The following WDPCP variants were observed in gnomAD, a reference collection of about 807,000 sequenced individuals.
The protein encoded by WDPCP is WD repeat-containing and planar cell polarity effector protein fritz homolog.
A neutral mutation model predicts 93.1 loss-of-function variants in WDPCP; 71 were observed. The observed-to-expected ratio is 0.76, with a 90% CI of 0.63 to 0.93. WDPCP has a LOEUF of 0.93. Ranked by LOEUF, WDPCP falls within the 40% of genes least tolerant of loss-of-function variation. WDPCP has a pLI of 0.00. For missense variants in WDPCP, 844 were observed against 887.4 expected, an observed-to-expected ratio of 0.95 and a Z score of 0.62; for synonymous variants, 315 against 315.0, an observed-to-expected ratio of 1.00 and a Z score of 0.00.
chr2:63,595,291 T>G, intron 3 of WDPCP: 1 of 706,998 alleles, frequency 1.4e-6, no homozygotes, highest in East Asian at 2.7e-5. Context: ...CCTGACCTCC[T>G]AAAATAATCA....
chr2:63,514,867 T>A (rs1702453693), intron 1 of WDPCP, among the ~76,000 whole-genome samples: 1 of 152,168 alleles, frequency 6.6e-6, no homozygotes, highest in South Asian at 2.1e-4. Context: ...CTATCAATTA[T>A]TCTTGCCACT....
chr2:63,312,571 G>A (rs1686262421), intron 13 of WDPCP, among the ~76,000 whole-genome samples: 1 of 152,210 alleles, frequency 6.6e-6, no homozygotes, highest in Non-Finnish European at 1.5e-5. Context: ...TGAAATTGCT[G>A]TCTAACAGAA....
intron 17 of WDPCP, among the ~76,000 whole-genome samples, chr2:63,138,456 T>TC (rs1670801800): frequency 6.8e-6 from 1 of 146,540 alleles, no homozygotes. Flanking sequence ...AGTAAGTTCT[T>TC]TTTTTTTTTT....
chr2:63,605,155 A>G (rs1709502502), intron 3 of WDPCP: 2 of 684,828 alleles, frequency 2.9e-6, no homozygotes, highest in Non-Finnish European at 5.0e-6. Context: ...GGGTTGTTGC[A>G]TGATTTTGGA....
At chr2:63,835,285 G>A in the WDPCP span, among the ~76,000 whole-genome samples, 1 of 150,656 alleles carries the variant, frequency 6.6e-6, no homozygotes, top group African/African-American at 2.4e-5. Flanking sequence ...AGCTACTTGG[G>A]AGACTGAGGC....
upstream of WDPCP, chr2:63,588,975 C>T: frequency 6.2e-7 from 1 of 1,611,348 alleles, no homozygotes; most frequent in Non-Finnish European, 8.5e-7. Flanking sequence ...GTCAGTTCCG[C>T]GGTAGAGGTG....
chr2:63,773,627 C>A (rs1670261970), intron 2 of WDPCP, among the ~76,000 whole-genome samples: 1 of 151,992 alleles, frequency 6.6e-6, no homozygotes, highest in African/African-American at 2.4e-5. Flanking sequence ...GATACTTGTA[C>A]AAGATACTAA....
At chr2:63,808,490 C>T (rs556180866) in intron 2 of WDPCP, among the ~76,000 whole-genome samples, 73 of 152,310 alleles carry the variant, frequency 4.8e-4, no homozygotes, top group South Asian at 2.1e-4. Context: ...TGCGGGCACG[C>T]GCTGCCACGC....
intron 6 of WDPCP, among the ~76,000 whole-genome samples, chr2:63,481,473 A>G (rs942177898): frequency 1.3e-5 from 2 of 152,128 alleles, no homozygotes; most frequent in African/African-American, 4.8e-5. Flanking sequence ...TCGCAATTGC[A>G]AAAATATGGA....
In WDPCP at chr2:63,378,456, C is replaced by A. The variant is rs1692035196; in HGVS notation, c.1678G>T (p.Asp560Tyr). The A allele has an allele frequency of 6.2e-7, 1 of 1,613,120 alleles. No individual in the cohort carries two copies. Among genetic ancestry groups the A allele is most frequent in the Non-Finnish European group, 8.5e-7 (1 of 1,179,482 alleles). ...TFYAPTRPLL[D>Y]STILEYRDQI... ...TCTCTATATTCCAATATAGTGGAAT[C>A]CAGAAGTGGTCTTGTTGGAGCATAG... The change falls in exon 12 of 18, where the codon GAT becomes TAT. Residue 560 changes from aspartate to tyrosine, a missense_variant. Transcript: ENST00000272321.
At chr2:63,148,443 G>A (rs895694617) in intron 17 of WDPCP, among the ~76,000 whole-genome samples, 2 of 152,168 alleles carry the variant, frequency 1.3e-5, no homozygotes, top group Non-Finnish European at 2.9e-5. Context: ...GGGTTGAAAC[G>A]ATTCTTGTGT....
At chr2:63,291,069 T>C (rs1206648108) in intron 13 of WDPCP, among the ~76,000 whole-genome samples, 1 of 152,204 alleles carries the variant, frequency 6.6e-6, no homozygotes, top group African/African-American at 2.4e-5. Flanking sequence ...TATTTTTGTT[T>C]TCTTTAGACT....
At chr2:63,292,153 A>AAAAAG (rs1280860814) in intron 13 of WDPCP, among the ~76,000 whole-genome samples, 2 of 147,842 alleles carry the variant, frequency 1.4e-5, no homozygotes, top group Non-Finnish European at 3.0e-5. Flanking sequence ...AAAAAAAAAG[A>AAAAAG]AAAAGAAAAG....
At chr2:63,808,940 T>C (rs540681136) in intron 2 of WDPCP, among the ~76,000 whole-genome samples, 63 of 144,662 alleles carry the variant, frequency 4.4e-4, no homozygotes, top group African/African-American at 1.5e-3. Flanking sequence ...AAGTGAGGAG[T>C]GTCTCTGCCC....
intron 1 of WDPCP, chr2:63,518,252 A>G (rs888304667): frequency 3.3e-5 from 5 of 152,328 alleles, no homozygotes; most frequent in Non-Finnish European, 7.3e-5. Context: ...TTCAGAGGGA[A>G]GGCATTGGGT....
Position 63,157,773 on chromosome 2 carries a change from T to C in WDPCP, c.2079-4199A>G, listed in dbSNP as rs147157593. Among the ~76,000 whole-genome samples the C allele has an allele frequency of 3.3e-3, 501 of 152,270 alleles. 1 individual carries two copies. The highest frequency in any genetic ancestry group is 5.4e-3 in the Non-Finnish European group (369 of 68,000). On this transcript the variant is annotated intron_variant, in intron 15 of 17. Transcript: ENST00000272321. ...GATATCAATAATCTATGTCTTCTTT[T>C]TCTCTTTGTCTGACTAGAGTTTTTT...
intron 15 of WDPCP, among the ~76,000 whole-genome samples, chr2:63,172,093 T>C (rs1673436417): frequency 2.0e-5 from 3 of 152,194 alleles, no homozygotes; most frequent in Non-Finnish European, 4.4e-5. Flanking sequence ...ATGGAAATGC[T>C]CTAAACCTAA....
chr2:63,197,782 A>G lies in WDPCP; in HGVS notation c.1916-22950T>C, dbSNP rs542020706. ...AATATAATGGCCTCCAGTTCTATCC[A>G]TGTTGCTGCAAGACCTCCTTTTCTA... is the stretch of plus-strand genomic sequence containing the variant. On this transcript the variant is annotated intron_variant, in intron 14 of 17. Coordinates refer to ENST00000272321, the MANE Select transcript of WDPCP (RefSeq NM_015910.7). 7.9e-5 allele frequency among the ~76,000 whole-genome samples: 12 copies of G among 152,306 alleles called. No homozygotes were observed. In the South Asian group the frequency reaches 2.1e-3, roughly 26 times the overall value.
chr2:63,405,910 T>C (rs1195917349), intron 9 of WDPCP, among the ~76,000 whole-genome samples: 1 of 152,144 alleles, frequency 6.6e-6, no homozygotes, highest in Admixed American at 6.5e-5. Flanking sequence ...TAAAATCTGA[T>C]GAAATCCATC....
Sources: allele counts gnomAD v4.1 joint callset (sites outside exome capture counted in the v4.1 genomes callset), GRCh38; gene constraint gnomAD v4.1.1; transcripts MANE v1.5; gene names NCBI Gene and HGNC (gene_info 2026-07-23, HGNC 2026-07-21).